Variants in SSUH2 observed in about 807,000 individuals in gnomAD.
SSUH2 encodes ssu-2 homolog.
Under a neutral mutation model 55.3 loss-of-function variants are expected in SSUH2, and 47 were observed. That is an observed-to-expected ratio of 0.85 (90% CI 0.67 to 1.08). The LOEUF is 1.08. SSUH2 is among the 50% of genes least tolerant of loss of function. The probability of loss-of-function intolerance (pLI) is 0.00; values close to 1 mark genes in which losing one functional copy is unlikely to be tolerated. For missense variants in SSUH2, 535 were observed against 490.7 expected (o/e 1.09, Z -0.85); for synonymous variants, 212 against 191.5 (o/e 1.11, Z -0.89).
At chr3:8,625,082 G>A (rs1042340358) in intron 10 of SSUH2, among the ~76,000 whole-genome samples, 6 of 151,966 alleles carry the variant, frequency 3.9e-5, no homozygotes, top group African/African-American at 9.7e-5. Flanking sequence ...GCTATAAAAG[G>A]GTCCATCATA....
intron 3 of SSUH2, among the ~76,000 whole-genome samples, chr3:8,675,929 C>T (rs922625534): frequency 6.6e-6 from 1 of 152,128 alleles, no homozygotes; most frequent in Non-Finnish European, 1.5e-5. Flanking sequence ...CTAGCTGAGG[C>T]CAGTGGCCTA....
intron 1 of SSUH2, among the ~76,000 whole-genome samples, chr3:8,680,799 A>G (rs1370147441): frequency 2.6e-5 from 4 of 152,024 alleles, no homozygotes; most frequent in African/African-American, 4.8e-5. Flanking sequence ...GCCTCTGAAT[A>G]TTGGAAAGAA....
intron 8 of SSUH2, among the ~76,000 whole-genome samples, chr3:8,626,543 C>T (rs1257298556): frequency 7.1e-6 from 1 of 140,380 alleles, no homozygotes; most frequent in East Asian, 2.4e-4. Context: ...GCCTGCCCCC[C>T]CCCCTCCCCC....
At chr3:8,635,079 T>C (rs1699685907) in intron 3 of SSUH2, among the ~76,000 whole-genome samples, 1 of 152,168 alleles carries the variant, frequency 6.6e-6, no homozygotes, top group Non-Finnish European at 1.5e-5. Flanking sequence ...GCAACCCTGA[T>C]CTAGACTATG....
intron 3 of SSUH2, among the ~76,000 whole-genome samples, chr3:8,676,376 G>A (rs770757851): frequency 2.0e-5 from 3 of 151,602 alleles, no homozygotes; most frequent in East Asian, 2.0e-4. Context: ...CAGTGGGGGC[G>A]AGTCCACCTT....
intron 5 of SSUH2, among the ~76,000 whole-genome samples, chr3:8,667,981 C>A (rs1194478112): frequency 3.9e-5 from 6 of 152,116 alleles, no homozygotes. Context: ...CCCAGGCTCT[C>A]ACTCCAGCCT....
chr3:8,620,896 G>A (rs1696294572), intron 11 of SSUH2, among the ~76,000 whole-genome samples: 1 of 152,220 alleles, frequency 6.6e-6, no homozygotes, highest in African/African-American at 2.4e-5. Context: ...CTATTTTCAG[G>A]ATGGGGACCT....
chr3:8,647,156 G>A (rs1273927173), upstream of SSUH2, among the ~76,000 whole-genome samples: 1 of 152,180 alleles, frequency 6.6e-6, no homozygotes, highest in Non-Finnish European at 1.5e-5. Context: ...GACTGCAATT[G>A]AACATGATAG....
At chr3:8,636,759 T>A (rs968497247) in intron 1 of SSUH2, among the ~76,000 whole-genome samples, 2 of 152,148 alleles carry the variant, frequency 1.3e-5, no homozygotes, top group Non-Finnish European at 1.5e-5. Flanking sequence ...TCTTCACAGG[T>A]ATCTTCAAGA....
intron 7 of SSUH2, 185 bp downstream of exon 7, chr3:8,629,478 GA>G (rs1698303598): frequency 1.7e-6 from 1 of 596,200 alleles, no homozygotes; most frequent in South Asian, 2.1e-5. Flanking sequence ...AGTGTCATTA[GA>G]GACCACACAA....
chr3:8,674,869 T>C (rs1054011235), intron 3 of SSUH2, among the ~76,000 whole-genome samples: 1 of 146,170 alleles, frequency 6.8e-6, no homozygotes, highest in Non-Finnish European at 1.5e-5. Flanking sequence ...TGGCCAAGGG[T>C]CCGGGCGGAA....
At chr3:8,635,525 C>T (rs1468601715) in intron 2 of SSUH2, 144 bp from the exon 3 acceptor site, 8 of 742,186 alleles carry the variant, frequency 1.1e-5, no homozygotes, top group Non-Finnish European at 1.8e-5. Context: ...AATGGGGACT[C>T]CAAGACCAGC....
chr3:8,661,089 C>T (rs1703437046), intron 6 of SSUH2, among the ~76,000 whole-genome samples: 1 of 152,254 alleles, frequency 6.6e-6, no homozygotes, highest in African/African-American at 2.4e-5. Flanking sequence ...GACTTACTGT[C>T]TGACGCCGAA....
Position 8,625,639 on chromosome 3 carries a change from C to A in SSUH2, c.776G>T (p.Ser259Ile), listed in dbSNP as rs59315778. Residue 259 changes from serine (S) to isoleucine (I), a missense_variant, in exon 10 of 12, where the codon AGC (serine) becomes ATC (isoleucine). By Grantham distance (142) the Ser-to-Ile change is moderately radical (BLOSUM62 -2). Transcript: ENST00000544814. The part of the protein sequence containing the change: ...FIQLVIMWKN[S>I]LFEFVSEHRL... ...GTGCTCAGACACAAACTCAAACAAG[C>A]TGTTCTTCCTGGAGGGAAGGAGGAT... 1 of 1,612,446 alleles carries A rather than the reference C, an allele frequency of 6.2e-7. No individual in the cohort carries two copies. Among genetic ancestry groups the A allele is most frequent in the East Asian group, 2.2e-5 (1 of 44,878 alleles).
rs1195967275 is a variant in SSUH2, at chr3:8,635,348, G to C, written c.161C>G (p.Pro54Arg). The change falls in exon 3 of 12, where the codon CCA (proline) becomes CGA (arginine). Residue 54 changes from proline (P) to arginine (R), a missense_variant. Physicochemically the swap from Pro to Arg is moderately radical, Grantham distance 103. Transcript: ENST00000544814. ...GQIFFPPLEA[P>R]GRPQEQRSWP... ...GGACCTTTGCTCCTGGGGCCTCCCT[G>C]GGGCCTCCAAAGGTGGGAAGAATAT... The C allele has an allele frequency of 1.3e-6, 2 of 1,535,870 alleles. No individual in the cohort carries two copies. Among genetic ancestry groups the C allele is most frequent in the Non-Finnish European group, 1.7e-6 (2 of 1,146,816 alleles).
chr3:8,631,039 A>G, intron 5 of SSUH2, 110 bp from the exon 6 acceptor site: 1 of 1,152,438 alleles, frequency 8.7e-7, no homozygotes, highest in Non-Finnish European at 1.1e-6. Flanking sequence ...ATGAGTCTAG[A>G]TCCTGGGGCT....
In SSUH2 at chr3:8,629,633, C is replaced by CTGACTCACCAGTGGTTCACAGA. The variant is rs142926392; in HGVS notation, c.588+9_588+30dup. The CTGACTCACCAGTGGTTCACAGA allele has an allele frequency of 0.39, 624,372 of 1,584,328 alleles. 131,305 individuals are homozygous for CTGACTCACCAGTGGTTCACAGA. Among genetic ancestry groups the CTGACTCACCAGTGGTTCACAGA allele is most frequent in the East Asian group, 0.44 (19,383 of 44,498 alleles). On this transcript the variant is annotated intron_variant, in intron 7 of 11. Transcript: ENST00000544814. ...GGATCCCCCGGCCACCACACCCTCA[C>CTGACTCACCAGTGGTTCACAGA]TGACTCACCAGTGGTTCACAGATGA...
intron 6 of SSUH2, among the ~76,000 whole-genome samples, chr3:8,661,181 C>G (rs1212848162): frequency 6.6e-6 from 1 of 152,186 alleles, no homozygotes; most frequent in East Asian, 1.9e-4. Context: ...AGGCACTGTC[C>G]CCTGAATCCA....
intron 5 of SSUH2, among the ~76,000 whole-genome samples, chr3:8,665,794 T>C (rs1366209237): frequency 6.6e-6 from 1 of 152,252 alleles, no homozygotes; most frequent in Non-Finnish European, 1.5e-5. Context: ...ATAGAATCTT[T>C]ATTTTAGTCA....
Sources: gnomAD v4.1 joint callset for allele counts (sites outside exome capture counted in the v4.1 genomes callset) on GRCh38, gnomAD v4.1.1 for gene constraint, MANE v1.5 for transcripts, NCBI Gene and HGNC (gene_info 2026-07-23, HGNC 2026-07-21) for gene names.